The following MMS22L variants were observed in gnomAD, a reference collection of about 807,000 sequenced individuals.
MMS22L encodes MMS22 like, DNA repair protein, also known as protein MMS22-like.
Under a neutral mutation model 159.1 loss-of-function variants are expected in MMS22L, and 74 were observed. The observed-to-expected ratio is 0.47, with a 90% CI of 0.39 to 0.56. The LOEUF (loss-of-function observed/expected upper bound fraction) is 0.56, where lower values mean the gene tolerates loss of function less well. Among genes scored for constraint, MMS22L ranks in the 20% least tolerant of loss-of-function variants. MMS22L has a pLI of 0.00. For synonymous variants in MMS22L, 517 were observed against 506.9 expected (o/e 1.02, Z -0.27); for missense variants, 1,351 against 1,422.1 (o/e 0.95, Z 0.80).
At chr6:97,208,686 T>A (rs1221635070) in intron 14 of MMS22L, among the ~76,000 whole-genome samples, 1 of 151,932 alleles carries the variant, frequency 6.6e-6, no homozygotes, top group Non-Finnish European at 1.5e-5. Flanking sequence ...CTGTCAAGGA[T>A]CTTATGATTC....
At chr6:97,250,146 T>C (rs972876530) in intron 10 of MMS22L, among the ~76,000 whole-genome samples, 3 of 152,202 alleles carry the variant, frequency 2.0e-5, no homozygotes, top group Admixed American at 6.5e-5. Flanking sequence ...AGCATTTTTT[T>C]TTCTACATAC....
chr6:97,200,243 A>T (rs1335155361), intron 14 of MMS22L, among the ~76,000 whole-genome samples: 1 of 152,120 alleles, frequency 6.6e-6, no homozygotes, highest in East Asian at 1.9e-4. Context: ...TAAATTTCTT[A>T]ATTTTAAATT....
At chr6:97,175,033 C>T (rs973568185) in intron 18 of MMS22L, among the ~76,000 whole-genome samples, 3 of 152,064 alleles carry the variant, frequency 2.0e-5, no homozygotes, top group African/African-American at 7.2e-5. Context: ...GGTCTCTGTT[C>T]CCTTTTGCAC....
chr6:97,195,101 T>G (rs1000004668), intron 14 of MMS22L, among the ~76,000 whole-genome samples: 12 of 152,160 alleles, frequency 7.9e-5, no homozygotes, highest in African/African-American at 2.9e-4. Flanking sequence ...TGTACAATGA[T>G]CAGGAAACAT....
chr6:97,168,502 C>G (rs1803208821), intron 19 of MMS22L, among the ~76,000 whole-genome samples: 1 of 151,996 alleles, frequency 6.6e-6, no homozygotes, highest in South Asian at 2.1e-4. Context: ...TTAAGTATCC[C>G]TAATCTGAAA....
At chr6:97,253,829 A>C (rs577922167) in intron 10 of MMS22L, 1 of 152,214 alleles carries the variant, frequency 6.6e-6, no homozygotes, top group East Asian at 1.9e-4. Context: ...TGCCATAAAA[A>C]ATGGCAATTT....
intron 9 of MMS22L, among the ~76,000 whole-genome samples, chr6:97,256,799 T>C (rs1813863746): frequency 6.6e-6 from 1 of 151,968 alleles, no homozygotes; most frequent in Admixed American, 6.6e-5. Context: ...AAAAATAAAT[T>C]AGCCAGGTGT....
chr6:97,227,149 A>C (rs2127992096), intron 14 of MMS22L, among the ~76,000 whole-genome samples: 1 of 150,524 alleles, frequency 6.6e-6, no homozygotes, highest in East Asian at 1.9e-4. Context: ...TTAAATTTAA[A>C]GTACTTGTAG....
chr6:97,179,662 C>T, intron 16 of MMS22L, 103 bp from the exon 17 acceptor site: 4 of 1,000,694 alleles, frequency 4.0e-6, no homozygotes, highest in Non-Finnish European at 4.1e-6. Context: ...AACTCCTTGG[C>T]CTCATTGATT....
intron 14 of MMS22L, among the ~76,000 whole-genome samples, chr6:97,194,990 C>T (rs1301672341): frequency 2.6e-5 from 4 of 152,144 alleles, no homozygotes; most frequent in African/African-American, 9.7e-5. Flanking sequence ...ATTAAACATA[C>T]AACCATGTAA....
rs1158530555 is a variant in MMS22L, at chr6:97,257,248, CTT to C, written c.943-2517_943-2516del. On this transcript the variant is annotated intron_variant, in intron 9 of 24. Transcript: ENST00000683635. ...TTAACCACTCTTTCATGTTTTCCAT[CTT>C]TTGTTATATTATGCATAACAGATCT... 3.3e-5 allele frequency among the ~76,000 whole-genome samples: 5 copies of C among 152,296 alleles called. No homozygotes were observed. The East Asian group carries it at 5.8e-4, about 18-fold the overall frequency.
chr6:97,181,989 T>C lies in MMS22L; in HGVS notation c.2299A>G (p.Ile767Val). 2 of 1,613,840 alleles carry C rather than the reference T, an allele frequency of 1.2e-6. No homozygotes were observed. The highest frequency in any genetic ancestry group is 1.7e-6 in the Non-Finnish European group (2 of 1,179,806). Residue 767 changes from isoleucine (I) to valine (V), a missense_variant, in exon 16 of 25, where the codon ATA (isoleucine) becomes GTA (valine). Transcript: ENST00000683635. Reference protein sequence around the residue: ...APSDFQPQPVISIIQLFGWDD... With the variant: ...APSDFQPQPVVSIIQLFGWDD... Reference sequence around the variant, plus strand: ...CAACCAAAAAGTTGAATAATTGATATAACTGGCTGAGGCTGAAAATCTGAT... The same window carrying C: ...CAACCAAAAAGTTGAATAATTGATACAACTGGCTGAGGCTGAAAATCTGAT...
intron 19 of MMS22L, among the ~76,000 whole-genome samples, 166 bp downstream of exon 19, chr6:97,172,897 C>T (rs1803695520): frequency 6.6e-6 from 1 of 152,056 alleles, no homozygotes. Context: ...GACAGAGATA[C>T]ATTTGAAGGC....
intron 19 of MMS22L, among the ~76,000 whole-genome samples, chr6:97,171,530 C>A (rs2128253778): frequency 6.6e-6 from 1 of 152,190 alleles, no homozygotes; most frequent in African/African-American, 2.4e-5. Flanking sequence ...ATGAGAAAAA[C>A]AAAACAAAAC....
At chr6:97,258,961 G>A (rs146573653) in intron 9 of MMS22L, 8 of 152,190 alleles carry the variant, frequency 5.3e-5, no homozygotes, top group African/African-American at 1.4e-4. Context: ...TAGGGCATGT[G>A]GAACATTAAC....
intron 16 of MMS22L, among the ~76,000 whole-genome samples, chr6:97,181,161 A>T (rs1374405268): frequency 6.6e-6 from 1 of 152,198 alleles, no homozygotes; most frequent in Non-Finnish European, 1.5e-5. Flanking sequence ...GAATAAAAAT[A>T]AAAACCCTAG....
intron 7 of MMS22L, among the ~76,000 whole-genome samples, chr6:97,268,445 C>G (rs972062099): frequency 1.3e-5 from 2 of 152,092 alleles, no homozygotes; most frequent in African/African-American, 4.8e-5. Context: ...ACCTTGGCCT[C>G]CCAAAGTGCT....
intron 14 of MMS22L, among the ~76,000 whole-genome samples, chr6:97,227,275 C>T (rs1016459161): frequency 6.6e-6 from 1 of 152,070 alleles, no homozygotes; most frequent in Admixed American, 6.5e-5. Flanking sequence ...GATTCTGCTA[C>T]TTTTTTCCCC....
chr6:97,268,070 A>T (rs9488380), intron 7 of MMS22L, 68 bp from the exon 8 acceptor site: 44,578 of 1,099,238 alleles, frequency 0.041, 2,416 homozygotes, highest in East Asian at 0.29. Context: ...AAGTGACTGT[A>T]CATCTTTAAA....
Sources: gnomAD v4.1 joint callset for allele counts (sites outside exome capture counted in the v4.1 genomes callset) on GRCh38, gnomAD v4.1.1 for gene constraint, MANE v1.5 for transcripts, NCBI Gene and HGNC (gene_info 2026-07-23, HGNC 2026-07-21) for gene names.